WDR64: variants seen among roughly 807,000 people sequenced by gnomAD.
WDR64 encodes the protein WD repeat-containing protein 64.
WDR64 carries 112 observed loss-of-function variants against 139.3 expected under a neutral mutation model. The ratio of observed to expected loss-of-function variants is 0.80; its 90% CI spans 0.69 to 0.94. WDR64 has a LOEUF of 0.94. Ranked by LOEUF, WDR64 falls within the 40% of genes least tolerant of loss-of-function variation. WDR64 has a pLI of 0.00. For missense variants in WDR64, 1,206 were observed against 1,293.1 expected (o/e 0.93, Z 1.03); for synonymous variants, 444 against 437.7 (o/e 1.01, Z -0.18).
chr1:241,790,559 G>T (rs1428608688), intron 24 of WDR64, 32 bp from the exon 25 acceptor site: 2 of 1,516,276 alleles, frequency 1.3e-6, no homozygotes, highest in Non-Finnish European at 1.8e-6. Flanking sequence ...AAAGGTATGG[G>T]TATGTACTTA....
At chr1:241,690,250 A>G (rs1667163166) in intron 8 of WDR64, among the ~76,000 whole-genome samples, 1 of 152,186 alleles carries the variant, frequency 6.6e-6, no homozygotes, top group South Asian at 2.1e-4. Flanking sequence ...AGGTGGGTGC[A>G]TCACAAGGTC....
At chr1:241,689,844 C>T (rs908123009) in intron 8 of WDR64, among the ~76,000 whole-genome samples, 26 of 151,730 alleles carry the variant, frequency 1.7e-4, no homozygotes, top group African/African-American at 5.8e-4. Flanking sequence ...ATTAGTATAC[C>T]GGACGTAGCT....
intron 4 of WDR64, among the ~76,000 whole-genome samples, 200 bp downstream of exon 4, chr1:241,674,947 C>T: frequency 8.4e-5 from 3 of 35,692 alleles, no homozygotes; most frequent in African/African-American, 1.6e-4. Flanking sequence ...CTCCCTCCTT[C>T]CTTCCTCTCT....
intron 24 of WDR64, 86 bp from the exon 25 acceptor site, chr1:241,790,505 C>T: frequency 9.0e-7 from 1 of 1,105,860 alleles, no homozygotes; most frequent in African/African-American, 1.6e-5. Context: ...AATGTGGGCA[C>T]CAGAGAAGGA....
rs1558456499 is a variant in WDR64, at chr1:241,656,555, A to G, written c.145+3926A>G. On this transcript the variant is annotated intron_variant, in intron 1 of 27. Coordinates refer to ENST00000437684, the MANE Select transcript of WDR64 (RefSeq NM_001367482.1). The surrounding 1 kb of genome is among the most constrained non-coding windows in gnomAD (Gnocchi z 4.3). ...ATTTCTGACTCAATATTACCAAAATAGAGTGCTTTATTTTCCCCAACAATC... is the reference window on the plus strand; with the variant it reads ...ATTTCTGACTCAATATTACCAAAATGGAGTGCTTTATTTTCCCCAACAATC... Among the ~76,000 whole-genome samples the G allele has an allele frequency of 6.6e-6, 1 of 152,214 alleles. No homozygotes were observed. The highest frequency in any genetic ancestry group is 1.5e-5 in the Non-Finnish European group (1 of 68,030).
Position 241,774,152 on chromosome 1 carries a change from C to T in WDR64, c.2431-953C>T, listed in dbSNP as rs138161623. Among the ~76,000 whole-genome samples, 758 of 152,218 alleles carry T rather than the reference C, an allele frequency of 5.0e-3. 11 individuals carry two copies. Among genetic ancestry groups the T allele is most frequent in the Non-Finnish European group, 4.4e-3 (299 of 68,002 alleles). On this transcript the variant is annotated intron_variant, in intron 20 of 27. Coordinates refer to ENST00000437684, the MANE Select transcript of WDR64 (RefSeq NM_001367482.1). ...CTTAGAAAAACAGAGGAGGTGACCT[C>T]GCTTGTGATAAGGCTCCTTCCTACA...
intron 15 of WDR64, 65 bp from the exon 16 acceptor site, chr1:241,766,153 C>T: frequency 6.5e-7 from 1 of 1,530,052 alleles, no homozygotes. Context: ...AAAGTGTACA[C>T]ATGGCGTTTG....
At chr1:241,682,430 G>A (rs1239947097) in intron 6 of WDR64, among the ~76,000 whole-genome samples, 1 of 152,134 alleles carries the variant, frequency 6.6e-6, no homozygotes, top group Non-Finnish European at 1.5e-5. Context: ...AAGATAAGTT[G>A]GCTGTTAAGT....
At chr1:241,773,477 T>C (rs756830720) in intron 20 of WDR64, among the ~76,000 whole-genome samples, 5 of 152,152 alleles carry the variant, frequency 3.3e-5, no homozygotes, top group Non-Finnish European at 7.3e-5. Context: ...TGTTTGTTTG[T>C]TTGTTTTTTT....
intron 15 of WDR64, among the ~76,000 whole-genome samples, chr1:241,762,428 T>C (rs889490245): frequency 6.6e-6 from 1 of 152,204 alleles, no homozygotes; most frequent in Non-Finnish European, 1.5e-5. Flanking sequence ...CATGTGTGCA[T>C]GTCTGAGGGA....
chr1:241,801,457 A>C lies in WDR64; in HGVS notation c.*242A>C. 2.1e-6 allele frequency: 1 copy of C among 476,946 alleles called. No individual in the cohort carries two copies. Among genetic ancestry groups the C allele is most frequent in the East Asian group, 3.0e-5 (1 of 33,580 alleles). The allele number at this position is 476,946 out of a possible 1,614,324, so 29.5% of individuals were successfully genotyped here. On this transcript the variant is annotated 3_prime_UTR_variant, in exon 28 of 28. Coordinates refer to ENST00000437684, the MANE Select transcript of WDR64 (RefSeq NM_001367482.1). ...TCTTATTTACTGTCAGCAAACTGAC[A>C]CATAAGAAAACAAATGAAATCAACA...
chr1:241,679,447 A>C, intron 5 of WDR64, 38 bp from the exon 6 acceptor site: 2 of 1,496,732 alleles, frequency 1.3e-6, no homozygotes, highest in Non-Finnish European at 1.8e-6. Context: ...CATTGAAGGA[A>C]ATGCATTATA....
Position 241,652,416 on chromosome 1 carries a change from G to C in WDR64, c.-69G>C, listed in dbSNP as rs562774760. The C allele has an allele frequency of 4.7e-6, 7 of 1,495,466 alleles. No individual in the cohort carries two copies. The East Asian group carries it at 9.9e-5, about 21-fold the overall frequency. 92.6% of individuals were successfully genotyped at this position (1,495,466 alleles called of 1,614,324 possible). ...CAGCAGGGAGGCACTGTAACAACTG[G>C]AAAGTTTTCCAAATTGGTAAACTTG... On this transcript the variant is annotated 5_prime_UTR_variant, in exon 1 of 28. Coordinates refer to ENST00000437684, the MANE Select transcript of WDR64 (RefSeq NM_001367482.1).
rs544401027 is a variant in WDR64, at chr1:241,674,256, C to CTTTTTTTTTTTTTTTT, written c.380-384_380-383insTTTTTTTTTTTTTTTT. 4.1e-5 allele frequency among the ~76,000 whole-genome samples: 5 copies of CTTTTTTTTTTTTTTTT among 121,350 alleles called. 1 individual carries two copies. The highest frequency in any genetic ancestry group is 6.8e-5 in the Non-Finnish European group (4 of 58,918). 79.6% of individuals were successfully genotyped at this position (121,350 alleles called of 152,430 possible). On this transcript the variant is annotated intron_variant, in intron 3 of 27. Coordinates refer to ENST00000437684, the MANE Select transcript of WDR64 (RefSeq NM_001367482.1). ...AAGCTGGCTGTTTATCTTTTTTTTT[C>CTTTTTTTTTTTTTTTT]TTTTCTTTTTTTTTTTTTTTGAGAC...
At chr1:241,674,243 T>C (rs1666364364) in intron 3 of WDR64, among the ~76,000 whole-genome samples, 1 of 138,242 alleles carries the variant, frequency 7.2e-6, no homozygotes, top group Non-Finnish European at 1.6e-5. Flanking sequence ...GCTGGCTGTT[T>C]ATCTTTTTTT....
At chr1:241,769,586 G>T in intron 17 of WDR64, 81 bp downstream of exon 17, 1 of 1,236,998 alleles carries the variant, frequency 8.1e-7, no homozygotes, top group South Asian at 1.4e-5. Flanking sequence ...AATTAATTGT[G>T]GTTTTTGCCA....
intron 9 of WDR64, among the ~76,000 whole-genome samples, chr1:241,721,166 G>T (rs567362546): frequency 8.5e-5 from 13 of 152,066 alleles, no homozygotes; most frequent in Non-Finnish European, 1.5e-4. Context: ...GTCTCTTTTC[G>T]TACCAGTACC....
At chr1:241,790,461 A>G (rs758424005) in intron 24 of WDR64, 130 bp from the exon 25 acceptor site, 7 of 691,722 alleles carry the variant, frequency 1.0e-5, no homozygotes, top group Non-Finnish European at 1.7e-5. Flanking sequence ...GTGTAGAGAT[A>G]CTGTCATTGG....
intron 2 of WDR64, among the ~76,000 whole-genome samples, chr1:241,667,798 T>A (rs958880970): frequency 6.6e-6 from 1 of 152,164 alleles, no homozygotes; most frequent in Non-Finnish European, 1.5e-5. Flanking sequence ...ATTAGGAAAA[T>A]GAGAGCCATA....
Sources: gnomAD v4.1 joint callset for allele counts (sites outside exome capture counted in the v4.1 genomes callset) on GRCh38, gnomAD v4.1.1 for gene constraint, Gnocchi (gnomAD v3.1) non-coding constraint, MANE v1.5 for transcripts, NCBI Gene and HGNC (gene_info 2026-07-23, HGNC 2026-07-21) for gene names.